Variants in LILRA1 observed in about 807,000 individuals in gnomAD.
LILRA1 encodes the protein leukocyte immunoglobulin-like receptor subfamily A member 1.
Under a neutral mutation model 51.6 loss-of-function variants are expected in LILRA1, and 51 were observed. That is an observed-to-expected ratio of 0.99 (90% confidence interval 0.79 to 1.25). The LOEUF (loss-of-function observed/expected upper bound fraction) is 1.25, where lower values mean the gene tolerates loss of function less well. LILRA1 is among the 50% of genes most tolerant of loss of function. The pLI, the probability that LILRA1 is intolerant of heterozygous loss-of-function variation, is 0.00. For synonymous variants in LILRA1, 305 were observed against 248.4 expected, an observed-to-expected ratio of 1.23 and a Z score of -2.14; for missense variants, 660 against 611.7, an observed-to-expected ratio of 1.08 and a Z score of -0.83.
At chr19:54,593,881 C>T in intron 1 of LILRA1, 100 bp downstream of exon 1, 2 of 557,540 alleles carry the variant, frequency 3.6e-6, no homozygotes, top group South Asian at 3.4e-5. Context: ...TTACCCTCAT[C>T]TGGAAGGGCA....
chr19:54,600,387 C>A, intron 8 of LILRA1, 125 bp from the exon 9 acceptor site: 1 of 874,544 alleles, frequency 1.1e-6, no homozygotes, highest in Middle Eastern at 2.8e-4. Context: ...GGGAACCCTG[C>A]TACACAGGAA....
chr19:54,602,354 C>G lies in LILRA1; in HGVS notation c.*1537C>G, dbSNP rs182885485. Among the ~76,000 whole-genome samples the G allele has an allele frequency of 7.9e-4, 120 of 152,276 alleles. 1 individual carries two copies. Among genetic ancestry groups the G allele is most frequent in the African/African-American group, 2.7e-3 (113 of 41,550 alleles). On this transcript the variant is annotated 3_prime_UTR_variant, in exon 10 of 10. Transcript: ENST00000251372. ...AATGTTATCATTTGCCATCTACCCT[C>G]TAGAATAAAGAAATCTTATTAAGGA...
In LILRA1 at chr19:54,595,888, C is replaced by T. The variant is rs765135169; in HGVS notation, c.911C>T (p.Ser304Phe). The change falls in exon 6 of 10, where the codon TCC becomes TTC. Residue 304 changes from serine (S) to phenylalanine (F), a missense_variant. Coordinates refer to ENST00000251372, the MANE Select transcript of LILRA1 (RefSeq NM_006863.4). ...QYRCSGAYNL[S>F]SEWSAPSDPL... is the part of the protein sequence containing the mutation. ...AGATGCTCCGGTGCATACAACCTCT[C>T]CTCCGAGTGGTCGGCCCCCAGCGAC... 8 of 1,613,746 alleles carry T rather than the reference C, an allele frequency of 5.0e-6. No individual in the cohort carries two copies. In the Admixed American group the frequency reaches 5.0e-5, roughly 10 times the overall value.
Position 54,599,358 on chromosome 19 carries a change from T to C in LILRA1, c.1312+72T>C. ...AGGTCCTGTCAAGGGGAGCTGGGTG[T>C]CCTGGGTGGACATTTTAAAAAATTA... On this transcript the variant is annotated intron_variant, in intron 8 of 9. Coordinates refer to ENST00000251372, the MANE Select transcript of LILRA1 (RefSeq NM_006863.4). 7 of 1,492,752 alleles carry C rather than the reference T, an allele frequency of 4.7e-6. No homozygotes were observed. In the South Asian group the frequency reaches 7.8e-5, roughly 17 times the overall value. The allele number at this position is 1,492,752 out of a possible 1,614,324, so 92.5% of individuals were successfully genotyped here.
At position 54,596,501 on chromosome 19, in the gene LILRA1, C is replaced by G; in HGVS notation, c.1261+10C>G. ...GAGCTCATGGTCTCAGGTGAGGGCCCTGACCCTGTCCTCTCCGAGCTCAAA... is the reference window on the plus strand; with the variant it reads ...GAGCTCATGGTCTCAGGTGAGGGCCGTGACCCTGTCCTCTCCGAGCTCAAA... On this transcript the variant is annotated intron_variant, in intron 7 of 9. Transcript: ENST00000251372. 6.2e-7 allele frequency: 1 copy of G among 1,614,114 alleles called. No homozygotes were observed.
rs1314366123 is a variant in LILRA1 at position 54,594,301 on chromosome 19, A to G, written c.34+23A>G. The stretch of plus-strand genomic sequence containing the variant: ...TCAGTGAGATTTGAAGAGGGAGGGG[A>G]GCTTCTAACCTAGGAGGGACCTCAC... On this transcript the variant is annotated intron_variant, in intron 2 of 9. Transcript: ENST00000251372. 4.3e-6 allele frequency: 7 copies of G among 1,612,604 alleles called. No homozygotes were observed. In the African/African-American group the frequency reaches 8.0e-5, roughly 19 times the overall value.
At position 54,602,054 on chromosome 19, in the gene LILRA1, C is replaced by T. The variant is rs188737076; in HGVS notation, c.*1237C>T. ...AAGAAATCTTATCATTCACCATCTA[C>T]CCTCTAGAATAAAGAAATCTTATCA... On this transcript the variant is annotated 3_prime_UTR_variant, in exon 10 of 10. Coordinates refer to ENST00000251372, the MANE Select transcript of LILRA1 (RefSeq NM_006863.4). 8.5e-4 allele frequency: 130 copies of T among 152,190 alleles called. No homozygotes were observed. The highest frequency in any genetic ancestry group is 3.0e-3 in the African/African-American group (124 of 41,518). The allele number at this position is 152,190 out of a possible 1,614,324, so 9.4% of individuals were successfully genotyped here. A position where few individuals can be genotyped will look rare whatever the true frequency, so the allele number is the denominator to read the frequency against.
chr19:54,595,889 C>T lies in LILRA1; in HGVS notation c.912C>T (p.Ser304=), dbSNP rs61739190. The change falls in exon 6 of 10, where the codon TCC becomes TCT. Residue 304 remains serine (S), a synonymous_variant. Transcript: ENST00000251372. Reference sequence around the variant, plus strand: ...GATGCTCCGGTGCATACAACCTCTCCTCCGAGTGGTCGGCCCCCAGCGACC... The same window carrying T: ...GATGCTCCGGTGCATACAACCTCTCTTCCGAGTGGTCGGCCCCCAGCGACC... ...QYRCSGAYNL[S]SEWSAPSDPL... 3.7e-6 allele frequency: 6 copies of T among 1,607,966 alleles called. No homozygotes were observed. The highest frequency in any genetic ancestry group is 1.3e-5 in the African/African-American group (1 of 74,806).
chr19:54,602,073 C>T lies in LILRA1; in HGVS notation c.*1256C>T, dbSNP rs2063169760. Reference sequence around the variant, plus strand: ...CATCTACCCTCTAGAATAAAGAAATCTTATCATTCGCCATCTACCCTGTAG... The same window carrying T: ...CATCTACCCTCTAGAATAAAGAAATTTTATCATTCGCCATCTACCCTGTAG... On this transcript the variant is annotated 3_prime_UTR_variant, in exon 10 of 10. Transcript: ENST00000251372. The T allele has an allele frequency of 6.6e-6, 1 of 151,990 alleles. No individual in the cohort carries two copies. Among genetic ancestry groups the T allele is most frequent in the Non-Finnish European group, 1.5e-5 (1 of 68,020 alleles). The allele number at this position is 151,990 out of a possible 1,614,324, so 9.4% of individuals were successfully genotyped here. A position where few individuals can be genotyped will look rare whatever the true frequency, so the allele number is the denominator to read the frequency against.
At chr19:54,597,416 C>T (rs2063082425) in intron 7 of LILRA1, among the ~76,000 whole-genome samples, 1 of 152,042 alleles carries the variant, frequency 6.6e-6, no homozygotes, top group South Asian at 2.1e-4. Context: ...TTCCAGGAGA[C>T]ATCACCTCTG....
rs147896986 is a variant in LILRA1, at chr19:54,595,898, G to T, written c.921G>T (p.Trp307Cys). 3.8e-3 allele frequency: 6,047 copies of T among 1,610,792 alleles called. 16 individuals carry two copies. The African/African-American group carries it at 0.072, about 19-fold the overall frequency. ...CSGAYNLSSE[W>C]SAPSDPLDIL... ...GTGCATACAACCTCTCCTCCGAGTG[G>T]TCGGCCCCCAGCGACCCCCTGGACA... is the stretch of plus-strand genomic sequence containing the variant. Residue 307 changes from tryptophan to cysteine, a missense_variant, in exon 6 of 10, where the codon TGG becomes TGT. Transcript: ENST00000251372.
chr19:54,599,431 A>G (rs1373336672), intron 8 of LILRA1, 145 bp downstream of exon 8: 1 of 1,325,332 alleles, frequency 7.5e-7, no homozygotes, highest in East Asian at 4.5e-5. Context: ...ATGATTTATA[A>G]GTGAAGTATT....
intron 8 of LILRA1, 116 bp downstream of exon 8, chr19:54,599,402 G>A (rs1480229812): frequency 7.2e-7 from 1 of 1,392,026 alleles, no homozygotes; most frequent in Non-Finnish European, 9.6e-7. Context: ...CTAATTTAAA[G>A]AATTCTTCAA....
intron 7 of LILRA1, among the ~76,000 whole-genome samples, chr19:54,597,355 T>C (rs2146077625): frequency 6.6e-6 from 1 of 152,116 alleles, no homozygotes; most frequent in East Asian, 1.9e-4. Flanking sequence ...GTGTCTGAGG[T>C]TCAGCATTGA....
Position 54,594,336 on chromosome 19 carries a change from G to A in LILRA1, c.34+58G>A, listed in dbSNP as rs570304147. On this transcript the variant is annotated intron_variant, in intron 2 of 9. Transcript: ENST00000251372. The stretch of plus-strand genomic sequence containing the variant: ...CTAGGAGGGACCTCACCCCACAGCC[G>A]ACCTCTAGTCCCTAAGGAGACCCCA... 102 of 1,611,558 alleles carry A rather than the reference G, an allele frequency of 6.3e-5. No individual in the cohort carries two copies. The East Asian group carries it at 1.8e-3, about 28-fold the overall frequency.
At chr19:54,599,374 T>TA in intron 8 of LILRA1, 88 bp downstream of exon 8, 1 of 1,455,768 alleles carries the variant, frequency 6.9e-7, no homozygotes. Flanking sequence ...GTGGACATTT[T>TA]AAAAAATTAC....
At chr19:54,596,093 A>G (rs987877974) in intron 6 of LILRA1, 96 bp from the exon 7 acceptor site, 2 of 1,528,114 alleles carry the variant, frequency 1.3e-6, no homozygotes, top group East Asian at 2.3e-5. Context: ...CTCAGAGAAA[A>G]CAGAGATAGA....
chr19:54,600,927 G>A lies in LILRA1; in HGVS notation c.*110G>A. 3 of 1,202,884 alleles carry A rather than the reference G, an allele frequency of 2.5e-6. No individual in the cohort carries two copies. The highest frequency in any genetic ancestry group is 3.7e-6 in the Non-Finnish European group (3 of 809,374). The allele number at this position is 1,202,884 out of a possible 1,614,324, so 74.5% of individuals were successfully genotyped here. On this transcript the variant is annotated 3_prime_UTR_variant, in exon 10 of 10. Transcript: ENST00000251372. ...AGGTTCCGGGAGACAATTTAGGGCT[G>A]ATGCTATCTGGACTGTCTGCCAATC...
Position 54,601,896 on chromosome 19 carries a change from T to C in LILRA1, c.*1079T>C, listed in dbSNP as rs2063166956. 1 of 152,212 alleles carries C rather than the reference T, an allele frequency of 6.6e-6. No individual in the cohort carries two copies. The highest frequency in any genetic ancestry group is 2.1e-4 in the South Asian group (1 of 4,834). 9.4% of individuals were successfully genotyped at this position (152,212 alleles called of 1,614,324 possible). ...GTCTAGGTCCAAGACCACTGTTGTG[T>C]TTGAAGGATGTAAAACCCTGCTGCA... On this transcript the variant is annotated 3_prime_UTR_variant, in exon 10 of 10. Coordinates refer to ENST00000251372, the MANE Select transcript of LILRA1 (RefSeq NM_006863.4).
Sources: allele counts gnomAD v4.1 joint callset (sites outside exome capture counted in the v4.1 genomes callset), GRCh38; gene constraint gnomAD v4.1.1; transcripts MANE v1.5; gene names NCBI Gene and HGNC (gene_info 2026-07-23, HGNC 2026-07-21).